The following RPS6KC1 variants were observed in gnomAD, a reference collection of about 807,000 sequenced individuals.
The protein encoded by RPS6KC1 is inactive ribosomal protein S6 kinase delta-1.
RPS6KC1 carries 54 observed loss-of-function variants against 103.8 expected under a neutral mutation model. That is an observed-to-expected ratio of 0.52 (90% confidence interval 0.42 to 0.65). The LOEUF is 0.65. Ranked by LOEUF, RPS6KC1 falls within the 30% of genes least tolerant of loss-of-function variation. RPS6KC1 has a pLI of 0.00. For missense variants in RPS6KC1, 1,151 were observed against 1,253.8 expected (o/e 0.92, Z 1.24); for synonymous variants, 439 against 438.7 (o/e 1.00, Z -0.01).
At chr1:213,330,908 A>G in the RPS6KC1 span, among the ~76,000 whole-genome samples, 1 of 152,218 alleles carries the variant, frequency 6.6e-6, no homozygotes, top group Non-Finnish European at 1.5e-5. Context: ...CACTAAAGCA[A>G]GAGGAGATCA....
chr1:213,773,171 C>G, the RPS6KC1 span, among the ~76,000 whole-genome samples: 3 of 151,898 alleles, frequency 2.0e-5, no homozygotes, highest in East Asian at 5.8e-4. Flanking sequence ...AGGGTGACTG[C>G]AGACCCCTGA....
chr1:213,397,077 AC>A, the RPS6KC1 span, among the ~76,000 whole-genome samples: 1 of 152,198 alleles, frequency 6.6e-6, no homozygotes, highest in Admixed American at 6.5e-5. Flanking sequence ...GGAAAGATCT[AC>A]TAAAAGTGCC....
downstream of RPS6KC1, among the ~76,000 whole-genome samples, chr1:213,279,273 A>G (rs754127237): frequency 6.6e-6 from 1 of 152,228 alleles, no homozygotes; most frequent in Non-Finnish European, 1.5e-5. Flanking sequence ...GTGGTAGAAT[A>G]TAAATGAGGG....
rs2095093391 is a variant in RPS6KC1 at position 213,273,859 on chromosome 1, A to T, written c.*1225A>T. ...GTTTTTTTTTAAACGTTAGCCAAAG[A>T]AGAAGTCACTATTTCCAAGTTAGAA... On this transcript the variant is annotated 3_prime_UTR_variant, in exon 15 of 15. Transcript: ENST00000366960. 6.6e-6 allele frequency: 1 copy of T among 152,182 alleles called. No individual in the cohort carries two copies. Among genetic ancestry groups the T allele is most frequent in the Admixed American group, 6.5e-5 (1 of 15,284 alleles). The allele number at this position is 152,182 out of a possible 1,614,324, so 9.4% of individuals were successfully genotyped here. A position where few individuals can be genotyped will look rare whatever the true frequency, so the allele number is the denominator to read the frequency against.
At chr1:213,780,506 G>A in the RPS6KC1 span, among the ~76,000 whole-genome samples, 3 of 152,156 alleles carry the variant, frequency 2.0e-5, no homozygotes, top group African/African-American at 2.4e-5. Context: ...TTTACAACCC[G>A]ATTATATTAG....
At chr1:213,141,144 G>A (rs946294777) in intron 6 of RPS6KC1, among the ~76,000 whole-genome samples, 35 of 152,034 alleles carry the variant, frequency 2.3e-4, no homozygotes, top group Admixed American at 7.9e-4. Context: ...TGATCTGTCC[G>A]CCTTAGCCTC....
intron 6 of RPS6KC1, among the ~76,000 whole-genome samples, chr1:213,149,997 T>A (rs1028760190): frequency 3.3e-5 from 5 of 152,206 alleles, no homozygotes; most frequent in Non-Finnish European, 5.9e-5. Flanking sequence ...TGGTGTGGAA[T>A]ATCTTTTTCT....
chr1:213,070,883 A>G (rs2078803770), intron 1 of RPS6KC1, 123 bp from the exon 2 acceptor site: 5 of 606,334 alleles, frequency 8.2e-6, no homozygotes, highest in Non-Finnish European at 1.4e-5. Flanking sequence ...GATAAATGAT[A>G]TAGTGTTTAT....
intron 8 of RPS6KC1, among the ~76,000 whole-genome samples, chr1:213,212,957 G>A (rs1265132556): frequency 6.6e-6 from 1 of 152,000 alleles, no homozygotes; most frequent in East Asian, 1.9e-4. Context: ...GTATGTTTTG[G>A]CTAATGGTCC....
chr1:213,179,583 A>G (rs951666851), intron 8 of RPS6KC1, among the ~76,000 whole-genome samples: 1 of 152,244 alleles, frequency 6.6e-6, no homozygotes, highest in African/African-American at 2.4e-5. Flanking sequence ...GAAAATAGCC[A>G]GGATATATTG....
the RPS6KC1 span, among the ~76,000 whole-genome samples, chr1:213,626,919 G>C: frequency 5.9e-5 from 9 of 152,054 alleles, no homozygotes; most frequent in South Asian, 1.9e-3. Context: ...GCTCTTTTTT[G>C]GTTCCATATG....
At chr1:213,580,331 G>A in the RPS6KC1 span, among the ~76,000 whole-genome samples, 2 of 152,068 alleles carry the variant, frequency 1.3e-5, no homozygotes, top group African/African-American at 4.8e-5. Flanking sequence ...TGGAATTGCT[G>A]CAATCTTATG....
At chr1:213,450,623 G>T in the RPS6KC1 span, among the ~76,000 whole-genome samples, 1 of 152,098 alleles carries the variant, frequency 6.6e-6, no homozygotes, top group Non-Finnish European at 1.5e-5. Context: ...CCTGGAGTCA[G>T]GAGTTAAATT....
the RPS6KC1 span, among the ~76,000 whole-genome samples, chr1:213,327,081 A>C: frequency 2.0e-5 from 3 of 148,404 alleles, no homozygotes; most frequent in Non-Finnish European, 3.0e-5. Flanking sequence ...AAGATGGTCA[A>C]GTTGAATTAA....
At chr1:213,753,728 C>G in the RPS6KC1 span, among the ~76,000 whole-genome samples, 2 of 152,216 alleles carry the variant, frequency 1.3e-5, no homozygotes, top group Non-Finnish European at 2.9e-5. Context: ...GAAGGCACAT[C>G]TATTTCTATG....
chr1:213,480,739 A>G, the RPS6KC1 span, among the ~76,000 whole-genome samples: 1 of 152,096 alleles, frequency 6.6e-6, no homozygotes, highest in South Asian at 2.1e-4. Context: ...TCTATCTCCT[A>G]CTATTCCATA....
chr1:213,061,044 T>G (rs948160988), intron 1 of RPS6KC1, among the ~76,000 whole-genome samples: 1 of 151,828 alleles, frequency 6.6e-6, no homozygotes, highest in African/African-American at 2.4e-5. Flanking sequence ...GCTGCCTTCT[T>G]GCTGTATGGT....
the RPS6KC1 span, among the ~76,000 whole-genome samples, chr1:213,451,015 G>C: frequency 6.6e-6 from 1 of 152,032 alleles, no homozygotes; most frequent in Non-Finnish European, 1.5e-5. Context: ...ACTGGCTGTT[G>C]ATCACAACCA....
chr1:213,128,571 T>G (rs1350581241), intron 5 of RPS6KC1, among the ~76,000 whole-genome samples: 1 of 152,200 alleles, frequency 6.6e-6, no homozygotes, highest in Non-Finnish European at 1.5e-5. Flanking sequence ...GAAGGAATTT[T>G]CACTGCTAAA....
Sources: gnomAD v4.1 joint callset for allele counts (sites outside exome capture counted in the v4.1 genomes callset) on GRCh38, gnomAD v4.1.1 for gene constraint, MANE v1.5 for transcripts, NCBI Gene and HGNC (gene_info 2026-07-23, HGNC 2026-07-21) for gene names.